The following CNTRL variants were observed in gnomAD, a reference collection of about 807,000 sequenced individuals.
The protein encoded by CNTRL is 110 kDa centrosomal protein.
In CNTRL, 233 loss-of-function variants were observed where a neutral mutation model predicts 303.7. That is an observed-to-expected ratio of 0.77 (90% CI 0.69 to 0.86). The LOEUF (loss-of-function observed/expected upper bound fraction) is 0.86. Ranked by LOEUF, CNTRL falls within the 40% of genes least tolerant of loss-of-function variation. CNTRL has a pLI of 0.00. For missense variants in CNTRL, 2,524 were observed against 2,650.6 expected (o/e 0.95, Z 1.05); for synonymous variants, 900 against 922.2 (o/e 0.98, Z 0.44).
chr9:121,114,507 G>T (rs772000119), intron 10 of CNTRL, among the ~76,000 whole-genome samples: 2 of 152,136 alleles, frequency 1.3e-5, no homozygotes, highest in African/African-American at 4.8e-5. Flanking sequence ...TATATGCAAG[G>T]CTCTGGGGGA....
At chr9:121,142,029 T>C in intron 18 of CNTRL, 62 bp from the exon 19 acceptor site, 1 of 1,378,166 alleles carries the variant, frequency 7.3e-7, no homozygotes, top group Non-Finnish European at 9.7e-7. Context: ...TATAAAAAGT[T>C]TTTATTTTGC....
intron 4 of CNTRL, among the ~76,000 whole-genome samples, chr9:121,094,681 A>G (rs893736797): frequency 1.3e-5 from 2 of 152,198 alleles, no homozygotes; most frequent in Non-Finnish European, 2.9e-5. Context: ...GTTGTTGTCA[A>G]CTGAAGGGCA....
At chr9:121,144,675 C>A (rs1387342482) in intron 20 of CNTRL, among the ~76,000 whole-genome samples, 168 bp from the exon 21 acceptor site, 1 of 152,214 alleles carries the variant, frequency 6.6e-6, no homozygotes, top group East Asian at 1.9e-4. Context: ...GCTGGGCAGG[C>A]TGCCCAACAA....
intron 14 of CNTRL, among the ~76,000 whole-genome samples, chr9:121,133,887 A>T (rs1237892751): frequency 6.6e-6 from 1 of 152,194 alleles, no homozygotes; most frequent in South Asian, 2.1e-4. Flanking sequence ...ATATTTCAGT[A>T]TGTATTTCCT....
At chr9:121,129,330 G>A (rs1416902570) in intron 14 of CNTRL, among the ~76,000 whole-genome samples, 1 of 152,142 alleles carries the variant, frequency 6.6e-6, no homozygotes, top group Admixed American at 6.5e-5. Flanking sequence ...GCTGTGGTTT[G>A]TAGTTCTTGA....
At chr9:121,109,447 T>TA (rs1310099165) in intron 8 of CNTRL, among the ~76,000 whole-genome samples, 1 of 152,164 alleles carries the variant, frequency 6.6e-6, no homozygotes, top group Non-Finnish European at 1.5e-5. Context: ...AAAGCCTTCT[T>TA]ACTCTTTTTA....
chr9:121,146,130 T>A lies in CNTRL; in HGVS notation c.3333T>A (p.Asn1111Lys). The A allele has an allele frequency of 6.2e-7, 1 of 1,610,776 alleles. No individual in the cohort carries two copies. The highest frequency in any genetic ancestry group is 8.5e-7 in the Non-Finnish European group (1 of 1,179,234). The change falls in exon 23 of 44, where the codon AAT becomes AAA. Residue 1111 changes from asparagine (N) to lysine (K), a missense_variant. Transcript: ENST00000373855. ...TGSDNKGGFENVLEEIAELRR... is the reference protein window; with the variant it reads ...TGSDNKGGFEKVLEEIAELRR... ...CAGACAACAAAGGAGGCTTTGAAAA[T>A]GTTTTAGAAGAAATTGCTGAACTTC...
chr9:121,172,473 T>G (rs1324662882), intron 40 of CNTRL, among the ~76,000 whole-genome samples: 1 of 152,052 alleles, frequency 6.6e-6, no homozygotes, highest in Admixed American at 6.6e-5. Context: ...AGACCCCGTC[T>G]CTACTAAAAA....
intron 36 of CNTRL, 62 bp downstream of exon 36, chr9:121,166,242 A>C: frequency 8.3e-7 from 1 of 1,198,410 alleles, no homozygotes; most frequent in Non-Finnish European, 1.2e-6. Context: ...ATTGGTTTAA[A>C]TAACAAAGAA....
At chr9:121,127,206 A>G (rs1203265785) in intron 14 of CNTRL, among the ~76,000 whole-genome samples, 1 of 152,176 alleles carries the variant, frequency 6.6e-6, no homozygotes, top group Non-Finnish European at 1.5e-5. Flanking sequence ...CTTTATGGAC[A>G]TACCACAAAT....
chr9:121,080,026 T>G (rs544123899), intron 1 of CNTRL, among the ~76,000 whole-genome samples: 73 of 152,094 alleles, frequency 4.8e-4, no homozygotes, highest in Non-Finnish European at 9.4e-4. Flanking sequence ...GCCCATGGCA[T>G]CATGCTAGGC....
chr9:121,156,422 A>T (rs2052575089), intron 27 of CNTRL, among the ~76,000 whole-genome samples: 1 of 152,236 alleles, frequency 6.6e-6, no homozygotes, highest in South Asian at 2.1e-4. Flanking sequence ...GAGACAAAAA[A>T]CTATTTGGTG....
intron 15 of CNTRL, among the ~76,000 whole-genome samples, chr9:121,136,566 C>T (rs1231538710): frequency 6.6e-6 from 1 of 152,216 alleles, no homozygotes; most frequent in Non-Finnish European, 1.5e-5. Context: ...CCACCTCAGC[C>T]TCCCAAAGTG....
intron 34 of CNTRL, among the ~76,000 whole-genome samples, chr9:121,163,914 G>T (rs2131797498): frequency 6.6e-6 from 1 of 150,812 alleles, no homozygotes; most frequent in South Asian, 2.1e-4. Flanking sequence ...GCCCAGGCTG[G>T]AGTGCAGTGG....
intron 13 of CNTRL, among the ~76,000 whole-genome samples, 180 bp from the exon 14 acceptor site, chr9:121,125,536 T>C (rs2050469825): frequency 6.6e-6 from 1 of 152,180 alleles, no homozygotes; most frequent in Non-Finnish European, 1.5e-5. Flanking sequence ...ATTTTATACC[T>C]GCTTAATACT....
At position 121,098,396 on chromosome 9, in the gene CNTRL, T is replaced by C; in HGVS notation, c.632T>C (p.Ile211Thr). ...GTTATATCATTTCAGCTCCAAGATA[T>C]AAGCAAGTTGAAACCGCTTCAAGAT... The part of the protein sequence containing the change: ...KGNKISSLQD[I>T]SKLKPLQDLI... Residue 211 changes from isoleucine to threonine, a missense_variant, in exon 7 of 44, where the codon ATA becomes ACA. Coordinates refer to ENST00000373855, the MANE Select transcript of CNTRL (RefSeq NM_007018.6). 2 of 1,607,642 alleles carry C rather than the reference T, an allele frequency of 1.2e-6. No individual in the cohort carries two copies. The highest frequency in any genetic ancestry group is 2.2e-5 in the South Asian group (2 of 90,522).
chr9:121,162,923 A>G lies in CNTRL; in HGVS notation c.5423+652A>G, dbSNP rs2052918398. On this transcript the variant is annotated intron_variant, in intron 34 of 43. Transcript: ENST00000373855. ...AACAACTGATTTTGATAAAGATAAAAAGGCATCTTTTTCAGTAGAGAAAAG... is the reference window on the plus strand; with the variant it reads ...AACAACTGATTTTGATAAAGATAAAGAGGCATCTTTTTCAGTAGAGAAAAG... 3.3e-5 allele frequency among the ~76,000 whole-genome samples: 5 copies of G among 152,214 alleles called. 1 individual carries two copies. The highest frequency in any genetic ancestry group is 2.6e-4 in the Admixed American group (4 of 15,274).
At position 121,175,137 on chromosome 9, in the gene CNTRL, C is replaced by G; in HGVS notation, c.6867C>G (p.Thr2289=). ...RQVDALGELV[T]STSADSASSP... is the part of the protein sequence containing the mutation. ...TAGATGCTTTAGGGGAATTGGTCACCAGCACCTCTGCAGATTCAGCGTCAT... is the reference window on the plus strand; with the variant it reads ...TAGATGCTTTAGGGGAATTGGTCACGAGCACCTCTGCAGATTCAGCGTCAT... Residue 2289 remains threonine, a synonymous_variant, in exon 43 of 44, where the codon ACC becomes ACG. Transcript: ENST00000373855. The G allele has an allele frequency of 6.2e-7, 1 of 1,614,088 alleles. No individual in the cohort carries two copies. Among genetic ancestry groups the G allele is most frequent in the Non-Finnish European group, 8.5e-7 (1 of 1,180,022 alleles).
Position 121,160,302 on chromosome 9 carries a change from G to A in CNTRL, c.5089G>A (p.Glu1697Lys), listed in dbSNP as rs780573073. The A allele has an allele frequency of 1.1e-5, 16 of 1,495,900 alleles. No homozygotes were observed. The highest frequency in any genetic ancestry group is 4.3e-5 in the South Asian group (3 of 69,486). 92.7% of individuals were successfully genotyped at this position (1,495,900 alleles called of 1,614,324 possible). The change falls in exon 32 of 44, where the codon GAA becomes AAA. Residue 1697 changes from glutamate to lysine, a missense_variant and splice_region_variant. Glu to Lys is a moderately conservative substitution (Grantham distance 56). Coordinates refer to ENST00000373855, the MANE Select transcript of CNTRL (RefSeq NM_007018.6). ...AAGGCAGATGTCTAAACATAAAACC[G>A]GTAAGTTTAAAGGAAAACAATCATA... ...VLRQMSKHKT[E>K]LKNILDMLQL...
Sources: gnomAD v4.1 joint callset for allele counts (sites outside exome capture counted in the v4.1 genomes callset) on GRCh38, gnomAD v4.1.1 for gene constraint, MANE v1.5 for transcripts, NCBI Gene and HGNC (gene_info 2026-07-23, HGNC 2026-07-21) for gene names.